SSU72: variants seen among roughly 807,000 people sequenced by gnomAD.
The protein encoded by SSU72 is SSU72 homolog, RNA polymerase II CTD phosphatase.
A neutral mutation model predicts 22.7 loss-of-function variants in SSU72; 12 were observed. The ratio of observed to expected loss-of-function variants is 0.53; its 90% confidence interval spans 0.34 to 0.86. The LOEUF (loss-of-function observed/expected upper bound fraction) is 0.86, where lower values mean the gene tolerates loss of function less well. Among genes scored for constraint, SSU72 ranks in the 40% least tolerant of loss-of-function variants. The probability of loss-of-function intolerance (pLI) is 0.02; values close to 1 mark genes in which losing one functional copy is unlikely to be tolerated. For synonymous variants in SSU72, 116 were observed against 98.3 expected (o/e 1.18, Z -1.06); for missense variants, 151 against 249.8 (o/e 0.60, Z 2.67).
At position 1,574,766 on chromosome 1, in the gene SSU72, C is replaced by T. The variant is rs1251096575; in HGVS notation, c.-209G>A. ...CGGAGCGCAGGCACTGGCCTTCGGG[C>T]GCGCTGCACTCGGCGAGGCCGGGGG... On this transcript the variant is annotated 5_prime_UTR_variant, in exon 1 of 5. Coordinates refer to ENST00000291386, the MANE Select transcript of SSU72 (RefSeq NM_014188.3). 1 of 275,488 alleles carries T rather than the reference C, an allele frequency of 3.6e-6. No homozygotes were observed. The allele number at this position is 275,488 out of a possible 1,614,324, so 17.1% of individuals were successfully genotyped here.
At chr1:1,570,833 T>C (rs997423714) in intron 1 of SSU72, among the ~76,000 whole-genome samples, 2 of 152,038 alleles carry the variant, frequency 1.3e-5, no homozygotes, top group Non-Finnish European at 1.5e-5. Flanking sequence ...ACAAGCAGGC[T>C]GGGCGTGGTG....
chr1:1,552,303 G>A (rs1008516648), intron 2 of SSU72, among the ~76,000 whole-genome samples: 1 of 152,200 alleles, frequency 6.6e-6, no homozygotes, highest in African/African-American at 2.4e-5. Context: ...CCACACAACT[G>A]GTACTTACAC....
intron 2 of SSU72, among the ~76,000 whole-genome samples, chr1:1,556,309 TG>T (rs1418355310): frequency 1.3e-5 from 2 of 152,224 alleles, no homozygotes; most frequent in African/African-American, 4.8e-5. Context: ...GCGGCGTGCC[TG>T]TAGTCCCAGC....
chr1:1,564,237 T>C (rs942623343), intron 2 of SSU72: 9 of 387,058 alleles, frequency 2.3e-5, no homozygotes, highest in Admixed American at 8.4e-5. Flanking sequence ...GCGGCAGACC[T>C]AGCCTGCTCT....
intron 2 of SSU72, among the ~76,000 whole-genome samples, chr1:1,555,024 A>C (rs1393826652): frequency 3.9e-5 from 6 of 152,144 alleles, no homozygotes; most frequent in Non-Finnish European, 8.8e-5. Context: ...ATCCCAGAGC[A>C]TGCTAAGTGC....
chr1:1,574,286 C>G (rs1642779177), intron 1 of SSU72, among the ~76,000 whole-genome samples, 192 bp downstream of exon 1: 2 of 152,142 alleles, frequency 1.3e-5, no homozygotes, highest in Admixed American at 6.5e-5. Context: ...CGGAACCTGC[C>G]TTCCCTGTGA....
At chr1:1,568,573 T>G (rs1278784608) in intron 1 of SSU72, among the ~76,000 whole-genome samples, 1 of 151,602 alleles carries the variant, frequency 6.6e-6, no homozygotes, top group Non-Finnish European at 1.5e-5. Flanking sequence ...GCCACTGCAC[T>G]CCCGCCTGGG....
At chr1:1,545,035 A>G (rs772388342) in intron 2 of SSU72, 33 bp from the exon 3 acceptor site, 76 of 1,605,530 alleles carry the variant, frequency 4.7e-5, no homozygotes, top group Non-Finnish European at 5.5e-5. Flanking sequence ...GTCAGAGAAA[A>G]GGCATCTGTG....
Position 1,543,893 on chromosome 1 carries a change from A to G in SSU72, c.459T>C (p.Phe153=). The part of the protein sequence containing the change: ...DNHEEATLGA[F]LICELCQCIQ... ...CACACTGGCAGAGCTCACAGATGAGAAACGCCCCCAGGGTGGCCTCCTCGT... is the reference window on the plus strand; with the variant it reads ...CACACTGGCAGAGCTCACAGATGAGGAACGCCCCCAGGGTGGCCTCCTCGT... The change falls in exon 4 of 5, where the codon TTT becomes TTC. Residue 153 remains phenylalanine (F), a synonymous_variant. Transcript: ENST00000291386. 6.2e-7 allele frequency: 1 copy of G among 1,613,834 alleles called. No individual in the cohort carries two copies. The highest frequency in any genetic ancestry group is 8.5e-7 in the Non-Finnish European group (1 of 1,179,950).
intron 2 of SSU72, among the ~76,000 whole-genome samples, chr1:1,551,373 A>G (rs1490365419): frequency 6.6e-6 from 1 of 152,266 alleles, no homozygotes; most frequent in Non-Finnish European, 1.5e-5. Flanking sequence ...CAAAGGGAAC[A>G]GCAGCAGGGT....
chr1:1,544,346 G>A (rs577416147), intron 3 of SSU72, among the ~76,000 whole-genome samples: 7 of 152,278 alleles, frequency 4.6e-5, no homozygotes, highest in Admixed American at 6.5e-5. Flanking sequence ...GGCCTGGCGC[G>A]GTGGCTCTCG....
At chr1:1,548,181 A>G (rs958772189) in intron 2 of SSU72, among the ~76,000 whole-genome samples, 2 of 152,184 alleles carry the variant, frequency 1.3e-5, no homozygotes, top group African/African-American at 4.8e-5. Flanking sequence ...CTCAGGGACC[A>G]CGTTCAGTAG....
rs569355263 is a variant in SSU72, at chr1:1,544,610, C to T, written c.364+253G>A. On this transcript the variant is annotated intron_variant, in intron 3 of 4. Transcript: ENST00000291386. ...TCCAGCCTGGCGACAGAGCACGACT[C>T]TGTCTCAAAAAACAAAACAAAAAAA... The T allele has an allele frequency of 5.0e-5, 27 of 542,710 alleles. No homozygotes were observed. The South Asian group carries it at 5.5e-4, about 11-fold the overall frequency. The allele number at this position is 542,710 out of a possible 1,614,324, so 33.6% of individuals were successfully genotyped here. A position where few individuals can be genotyped will look rare whatever the true frequency, so the allele number is the denominator to read the frequency against.
chr1:1,566,061 A>C (rs1642657091), intron 1 of SSU72, among the ~76,000 whole-genome samples: 2 of 151,856 alleles, frequency 1.3e-5, no homozygotes, highest in African/African-American at 4.8e-5. Flanking sequence ...GTTTCAGACT[A>C]GCCTGGCCAG....
At chr1:1,568,442 T>A (rs1225169697) in intron 1 of SSU72, among the ~76,000 whole-genome samples, 6 of 148,390 alleles carry the variant, frequency 4.0e-5, no homozygotes, top group African/African-American at 7.5e-5. Flanking sequence ...AAAAAAAAAA[T>A]AAAAAAATAA....
chr1:1,547,279 C>T (rs1334058818), intron 2 of SSU72, among the ~76,000 whole-genome samples: 11 of 152,182 alleles, frequency 7.2e-5, no homozygotes, highest in Admixed American at 5.2e-4. Flanking sequence ...AGCTCATGGA[C>T]GTTCAAGGCC....
intron 1 of SSU72, among the ~76,000 whole-genome samples, chr1:1,565,246 A>G (rs937042969): frequency 1.9e-4 from 29 of 152,072 alleles, no homozygotes; most frequent in African/African-American, 6.8e-4. Context: ...GGTGGCGGGC[A>G]CCTGTAGTCC....
chr1:1,544,072 G>A (rs1305188751), intron 3 of SSU72, 85 bp from the exon 4 acceptor site: 23 of 1,041,904 alleles, frequency 2.2e-5, no homozygotes, highest in South Asian at 2.8e-5. Flanking sequence ...CAGCTCTGCC[G>A]GCTGCAGGCC....
intron 1 of SSU72, among the ~76,000 whole-genome samples, chr1:1,566,310 T>A (rs1407573634): frequency 6.6e-6 from 1 of 152,170 alleles, no homozygotes; most frequent in African/African-American, 2.4e-5. Context: ...CATGTGTTCT[T>A]GTAAAGTCAC....
Sources: allele counts gnomAD v4.1 joint callset (sites outside exome capture counted in the v4.1 genomes callset), GRCh38; gene constraint gnomAD v4.1.1; transcripts MANE v1.5; gene names NCBI Gene and HGNC (gene_info 2026-07-23, HGNC 2026-07-21).